The following SPRED2 variants were observed in gnomAD, a reference collection of about 807,000 sequenced individuals.
SPRED2 encodes the protein sprouty related EVH1 domain containing 2.
In SPRED2, 47 loss-of-function variants were observed where a neutral mutation model predicts 43.0. That is an observed-to-expected ratio of 1.09 (90% CI 0.87 to 1.40). SPRED2 has a LOEUF of 1.40. Ranked by LOEUF, SPRED2 falls within the 40% of genes most tolerant of loss-of-function variation. The probability of loss-of-function intolerance (pLI) is 0.00; values close to 1 mark genes in which losing one functional copy is unlikely to be tolerated. For missense variants in SPRED2, 561 were observed against 586.4 expected, an observed-to-expected ratio of 0.96 and a Z score of 0.45; for synonymous variants, 225 against 225.7, an observed-to-expected ratio of 1.00 and a Z score of 0.03.
At chr2:65,308,012 A>G (rs555028874), downstream of SPRED2, among the ~76,000 whole-genome samples, 108 of 151,728 alleles carry the variant, frequency 7.1e-4, no homozygotes, top group African/African-American at 2.5e-3. Context: ...TACATAACCA[A>G]CAAAACCCAG....
chr2:65,320,678 C>A lies in SPRED2; in HGVS notation c.439-3795G>T, dbSNP rs139359814. Among the ~76,000 whole-genome samples the A allele has an allele frequency of 1.1e-3, 163 of 152,260 alleles. 1 individual carries two copies. The highest frequency in any genetic ancestry group is 3.7e-3 in the African/African-American group (155 of 41,550). ...CCAGCTGTTCAGGGTTGTCTGAACT[C>A]CCAGAAGATTCCATTGGAAGCCAAG... On this transcript the variant is annotated intron_variant, in intron 4 of 5. Transcript: ENST00000356388.
In SPRED2 at chr2:65,394,310, C is replaced by T. The variant is rs78069691; in HGVS notation, c.26+37652G>A. Among the ~76,000 whole-genome samples the T allele has an allele frequency of 2.3e-3, 349 of 152,348 alleles. 2 individuals are homozygous for T. The highest frequency in any genetic ancestry group is 8.1e-3 in the African/African-American group (337 of 41,574). ...ATCCTCACTTTAAAATTCTCAGGTG[C>T]CTGGCAAAGGATGCTGCTTTTAGAG... is the stretch of plus-strand genomic sequence containing the variant. On this transcript the variant is annotated intron_variant, in intron 1 of 5. Transcript: ENST00000356388.
chr2:65,309,528 G>T (rs1407306931), downstream of SPRED2, among the ~76,000 whole-genome samples: 1 of 119,194 alleles, frequency 8.4e-6, no homozygotes, highest in Non-Finnish European at 1.9e-5. Context: ...AAAAAAAAAA[G>T]GATATAAGAG....
At chr2:65,378,806 T>C (rs1675305943) in intron 1 of SPRED2, among the ~76,000 whole-genome samples, 1 of 152,254 alleles carries the variant, frequency 6.6e-6, no homozygotes, top group South Asian at 2.1e-4. Context: ...AATTCATGCC[T>C]AATTTAATTG....
intron 1 of SPRED2, chr2:65,373,925 A>G (rs1675183691): frequency 6.6e-6 from 1 of 152,266 alleles, no homozygotes; most frequent in Non-Finnish European, 1.5e-5. Flanking sequence ...CATTACAAAA[A>G]GTGATAAATT....
chr2:65,332,102 AT>A, intron 3 of SPRED2, 51 bp from the exon 4 acceptor site: 1 of 1,197,130 alleles, frequency 8.4e-7, no homozygotes, highest in South Asian at 1.4e-5. Context: ...GATACATCAA[AT>A]CCAACCGTTT....
At position 65,313,725 on chromosome 2, in the gene SPRED2, A is replaced by G; in HGVS notation, c.1033T>C (p.Cys345Arg). 1 of 1,614,184 alleles carries G rather than the reference A, an allele frequency of 6.2e-7. No individual in the cohort carries two copies. Among genetic ancestry groups the G allele is most frequent in the Non-Finnish European group, 8.5e-7 (1 of 1,180,022 alleles). ...TCIRRVSCMW[C>R]ADSMLYHCMS... ...CAGTGATAGAGCATGCTGTCCGCGC[A>G]CCACATGCAGCTCACCCGGCGGATG... Residue 345 changes from cysteine to arginine, a missense_variant, in exon 6 of 6, where the codon TGC becomes CGC. Transcript: ENST00000356388.
intron 4 of SPRED2, among the ~76,000 whole-genome samples, chr2:65,324,801 A>T (rs1673557068): frequency 6.6e-6 from 1 of 152,098 alleles, no homozygotes; most frequent in African/African-American, 2.4e-5. Flanking sequence ...CTGACCCAGG[A>T]CTTTTTGGGG....
At chr2:65,337,021 T>C (rs1347344348) in intron 2 of SPRED2, among the ~76,000 whole-genome samples, 1 of 151,900 alleles carries the variant, frequency 6.6e-6, no homozygotes, top group Non-Finnish European at 1.5e-5. Context: ...GGCAGGAGAA[T>C]AGCGTGAACC....
At chr2:65,416,100 C>A (rs1676265747) in intron 1 of SPRED2, among the ~76,000 whole-genome samples, 1 of 152,132 alleles carries the variant, frequency 6.6e-6, no homozygotes, top group Non-Finnish European at 1.5e-5. Context: ...CCTTCTAAAT[C>A]CCGGATTAGC....
At chr2:65,358,340 T>C (rs1674715321) in intron 1 of SPRED2, among the ~76,000 whole-genome samples, 1 of 152,206 alleles carries the variant, frequency 6.6e-6, no homozygotes. Flanking sequence ...GGTTTACGCA[T>C]CCACAAATGT....
chr2:65,356,536 C>CTTTTTTTTTTTT lies in SPRED2; in HGVS notation c.27-11652_27-11641dup, dbSNP rs1274369940. 7.4e-4 allele frequency among the ~76,000 whole-genome samples: 45 copies of CTTTTTTTTTTTT among 60,566 alleles called. 1 individual carries two copies. The highest frequency in any genetic ancestry group is 3.4e-3 in the East Asian group (2 of 586). The allele number at this position is 60,566 out of a possible 152,430, so 39.7% of individuals were successfully genotyped here. The stretch of plus-strand genomic sequence containing the variant: ...TTAGAGTGCAGTTCCCCAGTTCCCT[C>CTTTTTTTTTTTT]TTTTTTTTTTTTTTTTTTTTTTGTG... On this transcript the variant is annotated intron_variant, in intron 1 of 5. Transcript: ENST00000356388.
chr2:65,328,287 C>T (rs569616030), intron 4 of SPRED2, among the ~76,000 whole-genome samples: 36 of 152,326 alleles, frequency 2.4e-4, no homozygotes, highest in African/African-American at 8.7e-4. Flanking sequence ...AGTTTAAATG[C>T]ACATCGTTTA....
downstream of SPRED2, chr2:65,308,561 G>A: frequency 1.0e-6 from 1 of 985,416 alleles, no homozygotes; most frequent in Non-Finnish European, 1.2e-6. Flanking sequence ...AGTTCCTGAT[G>A]TTTCCTCAGG....
chr2:65,373,144 A>G lies in SPRED2; in HGVS notation c.27-28248T>C, dbSNP rs565305016. Among the ~76,000 whole-genome samples, 124 of 152,346 alleles carry G rather than the reference A, an allele frequency of 8.1e-4. 1 individual carries two copies. In the South Asian group the frequency reaches 0.025, roughly 31 times the overall value. On this transcript the variant is annotated intron_variant, in intron 1 of 5. Coordinates refer to ENST00000356388, the MANE Select transcript of SPRED2 (RefSeq NM_181784.3). ...GTTAGAAATCTTGCAAATTTATTCTATTGAGAGGCAGTAGCTTTGGCCTAG... is the reference window on the plus strand; with the variant it reads ...GTTAGAAATCTTGCAAATTTATTCTGTTGAGAGGCAGTAGCTTTGGCCTAG...
intron 1 of SPRED2, among the ~76,000 whole-genome samples, chr2:65,349,726 A>G (rs191895675): frequency 6.6e-6 from 1 of 152,384 alleles, no homozygotes; most frequent in Non-Finnish European, 1.5e-5. Flanking sequence ...TAAAAATACC[A>G]TACCCTTCTG....
chr2:65,338,433 G>A (rs1293696652), intron 2 of SPRED2, among the ~76,000 whole-genome samples: 2 of 151,670 alleles, frequency 1.3e-5, no homozygotes, highest in African/African-American at 4.8e-5. Context: ...GAGTGCCTGC[G>A]ATTGCAGGCG....
chr2:65,343,717 C>T (rs1674254842), intron 2 of SPRED2, among the ~76,000 whole-genome samples: 1 of 152,194 alleles, frequency 6.6e-6, no homozygotes, highest in South Asian at 2.1e-4. Flanking sequence ...TCCTTCCTAT[C>T]ATAGATTCCT....
intron 1 of SPRED2, among the ~76,000 whole-genome samples, chr2:65,393,366 C>T (rs190031837): frequency 1.4e-5 from 2 of 146,778 alleles, no homozygotes; most frequent in African/African-American, 5.1e-5. Context: ...GAGTCTGGCT[C>T]TGTCTCCCAG....
Sources: allele counts gnomAD v4.1 joint callset (sites outside exome capture counted in the v4.1 genomes callset), GRCh38; gene constraint gnomAD v4.1.1; transcripts MANE v1.5; gene names NCBI Gene and HGNC (gene_info 2026-07-23, HGNC 2026-07-21).